The following KCNN2 variants were observed in gnomAD, a reference collection of about 807,000 sequenced individuals.
The protein encoded by KCNN2 is small conductance calcium-activated potassium channel protein 2.
In KCNN2, 24 loss-of-function variants were observed where a neutral mutation model predicts 55.5. The observed-to-expected ratio is 0.43, with a 90% confidence interval of 0.31 to 0.61. The LOEUF (loss-of-function observed/expected upper bound fraction) is 0.61, where lower values mean the gene tolerates loss of function less well. Ranked by LOEUF, KCNN2 falls within the 20% of genes least tolerant of loss-of-function variation. The probability of loss-of-function intolerance (pLI) is 0.08; values close to 1 mark genes in which losing one functional copy is unlikely to be tolerated. For missense variants in KCNN2, 754 were observed against 853.6 expected (o/e 0.88, Z 1.45); for synonymous variants, 431 against 336.1 (o/e 1.28, Z -3.09).
chr5:114,386,580 T>C (rs528611121), intron 2 of KCNN2, among the ~76,000 whole-genome samples: 1 of 152,290 alleles, frequency 6.6e-6, no homozygotes, highest in East Asian at 1.9e-4. Flanking sequence ...AATACCACCT[T>C]TTTAGTAGTA....
chr5:114,100,899 T>G (rs1200962204), intron 1 of KCNN2, among the ~76,000 whole-genome samples: 2 of 152,090 alleles, frequency 1.3e-5, no homozygotes, highest in East Asian at 3.9e-4. Flanking sequence ...TTAAGAAGAA[T>G]ATAAGTCCAT....
chr5:114,080,864 C>T (rs1434218376), intron 1 of KCNN2, among the ~76,000 whole-genome samples: 1 of 151,766 alleles, frequency 6.6e-6, no homozygotes, highest in African/African-American at 2.4e-5. Context: ...TAAAAGACAT[C>T]CAAATAGGAA....
intron 3 of KCNN2, among the ~76,000 whole-genome samples, chr5:114,457,826 A>T (rs2150110362): frequency 6.6e-6 from 1 of 152,304 alleles, no homozygotes; most frequent in South Asian, 2.1e-4. Flanking sequence ...TAGTCATTAA[A>T]GTGGGGGCCA....
intron 2 of KCNN2, among the ~76,000 whole-genome samples, chr5:114,225,822 T>C (rs959086604): frequency 2.6e-5 from 4 of 152,230 alleles, no homozygotes; most frequent in African/African-American, 9.6e-5. Context: ...AGTATGAATA[T>C]AGAGTAAGAC....
At chr5:114,224,229 G>A (rs768904987) in intron 2 of KCNN2, among the ~76,000 whole-genome samples, 1 of 152,106 alleles carries the variant, frequency 6.6e-6, no homozygotes, top group African/African-American at 2.4e-5. Flanking sequence ...GCTTAACAAT[G>A]AATATGGGGA....
intron 1 of KCNN2, among the ~76,000 whole-genome samples, chr5:114,119,469 G>T (rs934897221): frequency 3.9e-5 from 6 of 152,122 alleles, no homozygotes; most frequent in Admixed American, 3.3e-4. Context: ...TTTCTAATCT[G>T]TCCTCAGCAT....
chr5:114,444,119 A>G (rs1760313767), intron 3 of KCNN2, among the ~76,000 whole-genome samples: 1 of 152,196 alleles, frequency 6.6e-6, no homozygotes, highest in Non-Finnish European at 1.5e-5. Flanking sequence ...AGAATAAGGC[A>G]GTGGAAATGG....
intron 1 of KCNN2, among the ~76,000 whole-genome samples, chr5:114,171,034 A>G (rs1485094687): frequency 6.6e-6 from 1 of 151,968 alleles, no homozygotes; most frequent in Non-Finnish European, 1.5e-5. Flanking sequence ...TTAACAATTG[A>G]ATAGGACTTG....
intron 2 of KCNN2, among the ~76,000 whole-genome samples, chr5:114,233,491 C>G (rs1157003353): frequency 6.6e-6 from 1 of 152,128 alleles, no homozygotes; most frequent in African/African-American, 2.4e-5. Context: ...CCATAACACT[C>G]TCTCCTGATC....
intron 2 of KCNN2, among the ~76,000 whole-genome samples, chr5:114,241,748 ATATG>A (rs1251375629): frequency 0.014 from 164 of 11,312 alleles, 27 homozygotes; most frequent in East Asian, 0.14. Context: ...ATACGTATAT[ATATG>A]TATATATATA....
At chr5:114,394,035 A>G (rs1758538341) in intron 2 of KCNN2, among the ~76,000 whole-genome samples, 1 of 152,132 alleles carries the variant, frequency 6.6e-6, no homozygotes, top group Non-Finnish European at 1.5e-5. Flanking sequence ...TATTCTAAGG[A>G]AATTGAATTA....
At chr5:114,233,772 G>A (rs1325373971) in intron 2 of KCNN2, among the ~76,000 whole-genome samples, 1 of 152,136 alleles carries the variant, frequency 6.6e-6, no homozygotes, top group Non-Finnish European at 1.5e-5. Flanking sequence ...AAAATATTGA[G>A]TGTGCTTTAT....
chr5:114,482,715 TCTC>T (rs1762280279), intron 5 of KCNN2, among the ~76,000 whole-genome samples: 1 of 152,048 alleles, frequency 6.6e-6, no homozygotes, highest in South Asian at 2.1e-4. Context: ...AACAAGATCA[TCTC>T]CTTTGCAGGG....
rs142296545 is a variant in KCNN2, at chr5:114,268,945, G to A, written c.-185+47380G>A. 4.1e-3 allele frequency among the ~76,000 whole-genome samples: 616 copies of A among 151,898 alleles called. 5 individuals are homozygous for A. The highest frequency in any genetic ancestry group is 0.014 in the African/African-American group (590 of 41,424). ...CTCCCAGCCATCTGTCTCGGGGGTG[G>A]GGGGGTTCTCTGAGGATCCTGAGAG... On this transcript the variant is annotated intron_variant, in intron 2 of 10. Coordinates refer to the KCNN2 transcript ENST00000512097.
intron 1 of KCNN2, among the ~76,000 whole-genome samples, chr5:114,156,750 G>T (rs1211302238): frequency 6.6e-6 from 1 of 152,034 alleles, no homozygotes; most frequent in African/African-American, 2.4e-5. Context: ...CTTTGTTAAA[G>T]TTGTTTCTCT....
At chr5:114,198,027 G>A (rs1057457178) in intron 1 of KCNN2, among the ~76,000 whole-genome samples, 2 of 151,872 alleles carry the variant, frequency 1.3e-5, no homozygotes, top group Non-Finnish European at 2.9e-5. Flanking sequence ...AGGCTGTGCC[G>A]AGCTCCTTAT....
At chr5:114,245,423 T>C (rs1402003867) in intron 2 of KCNN2, among the ~76,000 whole-genome samples, 1 of 152,240 alleles carries the variant, frequency 6.6e-6, no homozygotes, top group African/African-American at 2.4e-5. Flanking sequence ...ATTATTTCAC[T>C]TAATCTTTTC....
Position 114,285,809 on chromosome 5 carries a change from A to G in KCNN2, c.-185+64244A>G, listed in dbSNP as rs186453794. Among the ~76,000 whole-genome samples, 369 of 152,308 alleles carry G rather than the reference A, an allele frequency of 2.4e-3. 1 individual carries two copies. Among genetic ancestry groups the G allele is most frequent in the Middle Eastern group, 0.01 (3 of 294 alleles). ...ATTCTTGTGTATGTAAAATAACTCAATATTCTCCTTGAGGTGAAATTGCAG... is the reference window on the plus strand; with the variant it reads ...ATTCTTGTGTATGTAAAATAACTCAGTATTCTCCTTGAGGTGAAATTGCAG... On this transcript the variant is annotated intron_variant, in intron 2 of 10. Transcript: ENST00000512097.
At chr5:114,163,762 A>T (rs1054343953) in intron 1 of KCNN2, among the ~76,000 whole-genome samples, 2 of 152,170 alleles carry the variant, frequency 1.3e-5, no homozygotes, top group Admixed American at 1.3e-4. Flanking sequence ...TGGCTTTGAG[A>T]CAACCCATAT....
Sources: allele counts gnomAD v4.1 joint callset (sites outside exome capture counted in the v4.1 genomes callset), GRCh38; gene constraint gnomAD v4.1.1; transcripts MANE v1.5; gene names NCBI Gene and HGNC (gene_info 2026-07-23, HGNC 2026-07-21).